MAD1L1: variants seen among roughly 807,000 people sequenced by gnomAD.
MAD1L1 encodes the protein mitotic arrest deficient 1 like 1, also known as mitotic spindle assembly checkpoint protein MAD1.
A neutral mutation model predicts 96.9 loss-of-function variants in MAD1L1; 95 were observed. The ratio of observed to expected loss-of-function variants is 0.98; its 90% CI spans 0.83 to 1.16. The LOEUF (loss-of-function observed/expected upper bound fraction) is 1.16, where lower values mean the gene tolerates loss of function less well. Ranked by LOEUF, MAD1L1 falls within the 50% of genes most tolerant of loss-of-function variation. The pLI, the probability that MAD1L1 is intolerant of heterozygous loss-of-function variation, is 0.00. For synonymous variants in MAD1L1, 473 were observed against 396.6 expected (o/e 1.19, Z -2.29); for missense variants, 1,007 against 954.4 (o/e 1.06, Z -0.73).
In MAD1L1 at chr7:2,162,532, T is replaced by C. The variant is rs576076589; in HGVS notation, c.987-13294A>G. On this transcript the variant is annotated intron_variant, in intron 10 of 18. Transcript: ENST00000265854. Reference sequence around the variant, plus strand: ...TCTGCTGACCTTCCCTCCACTATTGTCCTATGACCCTGCCAAATCCCCCTC... The same window carrying C: ...TCTGCTGACCTTCCCTCCACTATTGCCCTATGACCCTGCCAAATCCCCCTC... 2.1e-4 allele frequency among the ~76,000 whole-genome samples: 32 copies of C among 151,132 alleles called. No individual in the cohort carries two copies. The South Asian group carries it at 6.7e-3, about 32-fold the overall frequency.
chr7:2,092,808 A>T (rs73034414), intron 11 of MAD1L1, among the ~76,000 whole-genome samples: 4,120 of 152,184 alleles, frequency 0.027, 96 homozygotes, highest in South Asian at 0.09. Context: ...AATTTATCAA[A>T]TTTTTTCTCT....
intron 18 of MAD1L1, among the ~76,000 whole-genome samples, chr7:1,821,096 G>GA (rs1285435375): frequency 1.4e-5 from 2 of 147,698 alleles, no homozygotes; most frequent in Non-Finnish European, 3.0e-5. Flanking sequence ...AAAAAAAAGG[G>GA]GGGGGGGAGA....
intron 10 of MAD1L1, among the ~76,000 whole-genome samples, chr7:2,161,056 A>G (rs919360410): frequency 8.9e-6 from 1 of 112,582 alleles, no homozygotes; most frequent in Non-Finnish European, 1.9e-5. Context: ...GGGCAGCAAT[A>G]TATCACTGCA....
At chr7:1,919,570 C>T (rs1204339779) in intron 17 of MAD1L1, among the ~76,000 whole-genome samples, 1 of 152,270 alleles carries the variant, frequency 6.6e-6, no homozygotes, top group Non-Finnish European at 1.5e-5. Flanking sequence ...TGGGCTCCTG[C>T]ACGGGCCCAG....
intron 15 of MAD1L1, among the ~76,000 whole-genome samples, chr7:1,961,509 G>C (rs529250393): frequency 3.5e-4 from 53 of 152,284 alleles, no homozygotes; most frequent in Admixed American, 1.6e-3. Flanking sequence ...AATGGTTCTG[G>C]AACAACTGGG....
At position 2,230,030 on chromosome 7, in the gene MAD1L1, G is replaced by A. The variant is rs765516978; in HGVS notation, c.104C>T (p.Thr35Ile). Residue 35 changes from threonine to isoleucine, a missense_variant, in exon 3 of 19, where the codon ACC (threonine) becomes ATC (isoleucine). Transcript: ENST00000265854. ...VEGGSGLDIS[T>I]SAPGSLQMQY... is the part of the protein sequence containing the mutation. ...CATCTGCAGAGAACCTGGGGCCGAG[G>A]TAGAAATATCCAGTCCAGAGCCTCC... The A allele has an allele frequency of 3.1e-6, 5 of 1,613,770 alleles. No individual in the cohort carries two copies. The highest frequency in any genetic ancestry group is 3.4e-6 in the Non-Finnish European group (4 of 1,180,000).
chr7:2,232,553 G>A (rs889534053), intron 1 of MAD1L1, among the ~76,000 whole-genome samples: 1 of 152,156 alleles, frequency 6.6e-6, no homozygotes, highest in African/African-American at 2.4e-5. Context: ...CCCCGGGGCT[G>A]GGACCACGAG....
At chr7:2,063,281 G>C (rs974686159) in intron 12 of MAD1L1, among the ~76,000 whole-genome samples, 2 of 152,260 alleles carry the variant, frequency 1.3e-5, no homozygotes, top group African/African-American at 4.8e-5. Flanking sequence ...CCAAGAGTGG[G>C]CAGAGTCCTG....
At chr7:2,163,949 T>TAAC (rs1000888488) in intron 10 of MAD1L1, among the ~76,000 whole-genome samples, 1 of 152,038 alleles carries the variant, frequency 6.6e-6, no homozygotes. Flanking sequence ...GCAGCAGAGT[T>TAAC]AACACCTTAG....
At chr7:1,951,073 C>T (rs559042039) in intron 16 of MAD1L1, among the ~76,000 whole-genome samples, 69 of 152,378 alleles carry the variant, frequency 4.5e-4, no homozygotes, top group African/African-American at 1.2e-3. Context: ...GGGCTTCACC[C>T]GGGAGGCTGC....
intron 17 of MAD1L1, among the ~76,000 whole-genome samples, chr7:1,909,528 T>C (rs999031776): frequency 6.6e-6 from 1 of 152,186 alleles, no homozygotes; most frequent in Non-Finnish European, 1.5e-5. Context: ...CAAGAGACTG[T>C]AGGAGGTGGG....
intron 11 of MAD1L1, among the ~76,000 whole-genome samples, chr7:2,123,899 T>C (rs956271316): frequency 6.6e-6 from 1 of 152,238 alleles, no homozygotes; most frequent in African/African-American, 2.4e-5. Context: ...CAAGGGCTTT[T>C]TAGCTTCTCC....
chr7:2,157,138 G>A (rs1789887099), intron 10 of MAD1L1, among the ~76,000 whole-genome samples: 1 of 152,210 alleles, frequency 6.6e-6, no homozygotes, highest in South Asian at 2.1e-4. Context: ...GTAGGACAAG[G>A]TTATGGACTT....
intron 10 of MAD1L1, among the ~76,000 whole-genome samples, chr7:2,182,101 C>T (rs1480300944): frequency 6.6e-6 from 1 of 151,970 alleles, no homozygotes; most frequent in Non-Finnish European, 1.5e-5. Flanking sequence ...CAATCAAACA[C>T]CACGTTCCCC....
At chr7:1,863,394 G>A (rs28658569) in intron 18 of MAD1L1, among the ~76,000 whole-genome samples, 7,303 of 152,338 alleles carry the variant, frequency 0.048, 592 homozygotes, top group African/African-American at 0.17. Context: ...CGGCACGGCC[G>A]TCACAAGGCC....
At chr7:2,204,577 G>A (rs771370652) in intron 10 of MAD1L1, among the ~76,000 whole-genome samples, 2 of 152,200 alleles carry the variant, frequency 1.3e-5, no homozygotes, top group Non-Finnish European at 2.9e-5. Flanking sequence ...TATAAACTCA[G>A]TAAGTCTGGC....
At chr7:1,876,161 T>C (rs1184640282) in intron 18 of MAD1L1, among the ~76,000 whole-genome samples, 1 of 152,104 alleles carries the variant, frequency 6.6e-6, no homozygotes, top group East Asian at 1.9e-4. Context: ...GCCCCTTGGC[T>C]CCATAGATCT....
At position 1,870,832 on chromosome 7, in the gene MAD1L1, C is replaced by CTGT. The variant is rs1330777679; in HGVS notation, c.1998+27367_1998+27368insACA. The stretch of plus-strand genomic sequence containing the variant: ...CTGCCACGCTGAACCGACCATAACA[C>CTGT]CTGCCACGCTGAACCGACCATAACA... On this transcript the variant is annotated intron_variant, in intron 18 of 18. Coordinates refer to ENST00000265854, the MANE Select transcript of MAD1L1 (RefSeq NM_001013836.2). Among the ~76,000 whole-genome samples the CTGT allele has an allele frequency of 1.8e-5, 2 of 111,182 alleles. 1 individual carries two copies. The highest frequency in any genetic ancestry group is 1.8e-4 in the Admixed American group (2 of 11,016). The allele number at this position is 111,182 out of a possible 152,430, so 72.9% of individuals were successfully genotyped here. A position where few individuals can be genotyped will look rare whatever the true frequency, so the allele number is the denominator to read the frequency against.
intron 11 of MAD1L1, among the ~76,000 whole-genome samples, chr7:2,093,078 A>C (rs1047163373): frequency 1.3e-5 from 2 of 151,774 alleles, no homozygotes; most frequent in Non-Finnish European, 2.9e-5. Flanking sequence ...TCTACAAAAA[A>C]AAAAATATAT....
Sources: gnomAD v4.1 joint callset for allele counts (sites outside exome capture counted in the v4.1 genomes callset) on GRCh38, gnomAD v4.1.1 for gene constraint, MANE v1.5 for transcripts, NCBI Gene and HGNC (gene_info 2026-07-23, HGNC 2026-07-21) for gene names.